The following HAO1 variants were observed in gnomAD, a reference collection of about 807,000 sequenced individuals.
HAO1 encodes the protein 2-Hydroxyacid oxidase 1.
HAO1 carries 34 observed loss-of-function variants against 39.7 expected under a neutral mutation model. That is an observed-to-expected ratio of 0.86 (90% CI 0.65 to 1.14). The LOEUF (loss-of-function observed/expected upper bound fraction) is 1.14, where lower values mean the gene tolerates loss of function less well. Ranked by LOEUF, HAO1 falls within the 50% of genes most tolerant of loss-of-function variation. The pLI is 0.00. For missense variants in HAO1, 479 were observed against 464.5 expected (o/e 1.03, Z -0.29); for synonymous variants, 172 against 173.2 (o/e 0.99, Z 0.05).
At chr20:7,890,336 C>A (rs959746063) in intron 5 of HAO1, among the ~76,000 whole-genome samples, 4 of 152,018 alleles carry the variant, frequency 2.6e-5, no homozygotes, top group Non-Finnish European at 4.4e-5. Context: ...GCCTCGGCCT[C>A]CCAAGTACCT....
chr20:7,916,581 G>A (rs181067936), intron 2 of HAO1, among the ~76,000 whole-genome samples: 1 of 152,322 alleles, frequency 6.6e-6, no homozygotes, highest in East Asian at 1.9e-4. Flanking sequence ...TGTGGCCCAA[G>A]AGTTTGCATT....
chr20:7,908,750 G>C (rs1386536609), intron 3 of HAO1, among the ~76,000 whole-genome samples: 1 of 152,094 alleles, frequency 6.6e-6, no homozygotes, highest in Non-Finnish European at 1.5e-5. Flanking sequence ...TAGCTGAAAT[G>C]CCTGGTCTTT....
chr20:7,896,674 G>A (rs1259852080), intron 4 of HAO1, among the ~76,000 whole-genome samples: 1 of 152,032 alleles, frequency 6.6e-6, no homozygotes, highest in African/African-American at 2.4e-5. Context: ...TTTGGAGATG[G>A]GGTCTTTGGG....
chr20:7,883,719 G>T, intron 7 of HAO1, 56 bp from the exon 8 acceptor site: 1 of 1,270,774 alleles, frequency 7.9e-7, no homozygotes, highest in African/African-American at 1.5e-5. Flanking sequence ...AATCAGGCAG[G>T]TAATCGTTTT....
chr20:7,898,553 G>A (rs575887444), intron 4 of HAO1, among the ~76,000 whole-genome samples: 43 of 152,138 alleles, frequency 2.8e-4, no homozygotes, highest in Middle Eastern at 3.4e-3. Flanking sequence ...CATCTCAAAC[G>A]TATTTCATAA....
At chr20:7,892,364 C>T (rs1157998910) in intron 5 of HAO1, among the ~76,000 whole-genome samples, 3 of 152,136 alleles carry the variant, frequency 2.0e-5, no homozygotes, top group East Asian at 3.9e-4. Flanking sequence ...GGATTACAGG[C>T]GTGAGCCACC....
chr20:7,896,808 A>T (rs910566657), intron 4 of HAO1, among the ~76,000 whole-genome samples: 2 of 152,156 alleles, frequency 1.3e-5, no homozygotes, highest in African/African-American at 4.8e-5. Context: ...CTAACCTATT[A>T]GGTCACCTTA....
intron 2 of HAO1, among the ~76,000 whole-genome samples, chr20:7,931,392 T>C (rs2050384938): frequency 1.3e-5 from 2 of 152,168 alleles, no homozygotes; most frequent in African/African-American, 4.8e-5. Context: ...TTAAAGCTCT[T>C]GCAAAGTGGT....
intron 4 of HAO1, among the ~76,000 whole-genome samples, chr20:7,898,021 G>A (rs1054057560): frequency 6.6e-6 from 1 of 152,132 alleles, no homozygotes; most frequent in African/African-American, 2.4e-5. Flanking sequence ...ACAGCATCAT[G>A]TCATATTGGA....
intron 4 of HAO1, among the ~76,000 whole-genome samples, chr20:7,902,394 A>G (rs1267221698): frequency 2.6e-5 from 4 of 152,248 alleles, no homozygotes; most frequent in Non-Finnish European, 5.9e-5. Context: ...ACCCTCCACC[A>G]GCAAAAAGAC....
At chr20:7,913,838 T>G (rs1568515677) in intron 3 of HAO1, among the ~76,000 whole-genome samples, 1 of 152,214 alleles carries the variant, frequency 6.6e-6, no homozygotes, top group Non-Finnish European at 1.5e-5. Flanking sequence ...GGTGGCTCTT[T>G]GACTTTAACA....
At chr20:7,891,458 A>C (rs2050173861) in intron 5 of HAO1, among the ~76,000 whole-genome samples, 1 of 152,012 alleles carries the variant, frequency 6.6e-6, no homozygotes, top group African/African-American at 2.4e-5. Flanking sequence ...CATCAGATGT[A>C]TAGATTGTGA....
chr20:7,924,765 A>C (rs2050351354), intron 2 of HAO1, among the ~76,000 whole-genome samples: 1 of 152,144 alleles, frequency 6.6e-6, no homozygotes, highest in Non-Finnish European at 1.5e-5. Context: ...GGAAGCAAAA[A>C]AGTGTAATAT....
intron 2 of HAO1, 107 bp from the exon 3 acceptor site, chr20:7,914,526 TA>T (rs2050297502): frequency 8.3e-7 from 1 of 1,198,060 alleles, no homozygotes; most frequent in Admixed American, 2.3e-5. Context: ...AATTTGGCAA[TA>T]TGAAGTCAAA....
At chr20:7,886,624 G>T (rs558219578) in intron 5 of HAO1, among the ~76,000 whole-genome samples, 6 of 151,974 alleles carry the variant, frequency 3.9e-5, no homozygotes, top group Admixed American at 2.6e-4. Flanking sequence ...AAAATATTTT[G>T]CATCCAACCA....
In HAO1 at chr20:7,940,339, C is replaced by A. The variant is rs33931524; in HGVS notation, c.84G>T (p.Arg28Ser). ...AAGTTTCTTCATCATTTGCCCCAGA[C>A]CTGTAATAGTCATATATAGACTTTG... is the stretch of plus-strand genomic sequence containing the variant. ...VLPKSIYDYY[R>S]SGANDEETLA... Residue 28 changes from arginine (R) to serine (S), a missense_variant, in exon 1 of 8, where the codon AGG becomes AGT. Transcript: ENST00000378789. 1.2e-6 allele frequency: 2 copies of A among 1,611,224 alleles called. No homozygotes were observed. The highest frequency in any genetic ancestry group is 1.7e-6 in the Non-Finnish European group (2 of 1,178,454).
intron 4 of HAO1, among the ~76,000 whole-genome samples, chr20:7,904,410 C>A (rs2050237958): frequency 6.6e-6 from 1 of 152,238 alleles, no homozygotes; most frequent in Non-Finnish European, 1.5e-5. Context: ...CAGTGGTTCT[C>A]AGCCACTTTA....
intron 3 of HAO1, among the ~76,000 whole-genome samples, chr20:7,911,984 C>T (rs1167614864): frequency 6.6e-6 from 1 of 152,252 alleles, no homozygotes; most frequent in African/African-American, 2.4e-5. Flanking sequence ...CCAGAAGGCA[C>T]TGGCCTACTC....
At chr20:7,904,942 G>A (rs1273434127) in intron 4 of HAO1, among the ~76,000 whole-genome samples, 1 of 152,162 alleles carries the variant, frequency 6.6e-6, no homozygotes, top group Non-Finnish European at 1.5e-5. Flanking sequence ...ATTTAAAGGT[G>A]TCTGTAAACC....
Sources: allele counts gnomAD v4.1 joint callset (sites outside exome capture counted in the v4.1 genomes callset), GRCh38; gene constraint gnomAD v4.1.1; transcripts MANE v1.5; gene names NCBI Gene and HGNC (gene_info 2026-07-23, HGNC 2026-07-21).